Variants in CKMT2 observed in about 807,000 individuals in gnomAD.
CKMT2 encodes the protein creatine kinase S-type, mitochondrial.
Under a neutral mutation model 48.9 loss-of-function variants are expected in CKMT2, and 43 were observed. The observed-to-expected ratio is 0.88, with a 90% CI of 0.69 to 1.13. The LOEUF (loss-of-function observed/expected upper bound fraction) is 1.13. CKMT2 is among the 50% of genes most tolerant of loss of function. CKMT2 has a pLI of 0.00. For missense variants in CKMT2, 472 were observed against 555.4 expected, an observed-to-expected ratio of 0.85 and a Z score of 1.51; for synonymous variants, 206 against 213.0, an observed-to-expected ratio of 0.97 and a Z score of 0.29.
Position 81,266,212 on chromosome 5 carries a change from A to G in CKMT2, c.1214A>G (p.Gln405Arg), listed in dbSNP as rs770864198. The G allele has an allele frequency of 1.2e-6, 2 of 1,613,498 alleles. No individual in the cohort carries two copies. The highest frequency in any genetic ancestry group is 1.7e-6 in the Non-Finnish European group (2 of 1,179,460). ...VDCEKKLERGQDIKVPPPLPQ... is the reference protein window; with the variant it reads ...VDCEKKLERGRDIKVPPPLPQ... ...TGTGAAAAGAAGTTGGAGAGAGGCC[A>G]AGATATTAAGGTGCCACCCCCTCTG... The change falls in exon 10 of 10, where the codon CAA (glutamine) becomes CGA (arginine). Residue 405 changes from glutamine (Q) to arginine (R), a missense_variant. By Grantham distance (43) the Gln-to-Arg change is conservative. Coordinates refer to ENST00000254035, the MANE Select transcript of CKMT2 (RefSeq NM_001099735.2).
chr5:81,249,871 T>C (rs576821961), intron 1 of CKMT2, among the ~76,000 whole-genome samples: 1 of 152,372 alleles, frequency 6.6e-6, no homozygotes, highest in South Asian at 2.1e-4. Context: ...GTCATTTCTT[T>C]GTAGGTAAAC....
At chr5:81,263,465 A>T in intron 8 of CKMT2, 26 bp from the exon 9 acceptor site, 2 of 1,547,500 alleles carry the variant, frequency 1.3e-6, no homozygotes, top group Non-Finnish European at 1.8e-6. Flanking sequence ...CTCTTAGCAC[A>T]TTTAAGTATT....
intron 8 of CKMT2, among the ~76,000 whole-genome samples, chr5:81,259,962 C>T (rs756815588): frequency 2.6e-5 from 4 of 152,138 alleles, no homozygotes; most frequent in Non-Finnish European, 5.9e-5. Context: ...AAATCGACCC[C>T]ACAATTGGAA....
At chr5:81,241,181 G>A (rs1029971225) in intron 1 of CKMT2, among the ~76,000 whole-genome samples, 1 of 152,132 alleles carries the variant, frequency 6.6e-6, no homozygotes, top group African/African-American at 2.4e-5. Context: ...TTGTCCACCC[G>A]ACTGGAGCCT....
intron 1 of CKMT2, chr5:81,238,907 GC>G (rs1756341216): frequency 6.6e-6 from 1 of 152,198 alleles, no homozygotes; most frequent in Admixed American, 6.5e-5. Context: ...CCCCCACCTG[GC>G]TGTACCCTGA....
At chr5:81,238,775 T>C (rs1310224581) in intron 1 of CKMT2, 3 of 152,322 alleles carry the variant, frequency 2.0e-5, no homozygotes, top group Admixed American at 6.5e-5. Context: ...GCCCCGAAGA[T>C]TTTTTACCTC....
At chr5:81,233,465 C>A (rs1756166173) in intron 1 of CKMT2, 88 bp downstream of exon 1, 1 of 916,584 alleles carries the variant, frequency 1.1e-6, no homozygotes, top group Non-Finnish European at 1.3e-6. Context: ...GAGTGGATGC[C>A]GGGCTGTAGA....
chr5:81,247,247 A>C (rs1756643517), intron 1 of CKMT2, among the ~76,000 whole-genome samples: 1 of 152,192 alleles, frequency 6.6e-6, no homozygotes, highest in African/African-American at 2.4e-5. Context: ...TGAGCCTGAG[A>C]TTTCTTTTTG....
At chr5:81,239,171 G>A (rs1018200117) in intron 1 of CKMT2, 4 of 152,284 alleles carry the variant, frequency 2.6e-5, no homozygotes, top group African/African-American at 9.6e-5. Flanking sequence ...TGTCAGGGCT[G>A]TCTTGAACCG....
At chr5:81,253,787 A>AT (rs3839313) in intron 3 of CKMT2, among the ~76,000 whole-genome samples, 114 of 151,794 alleles carry the variant, frequency 7.5e-4, no homozygotes, top group African/African-American at 2.3e-3. Context: ...TCTTTTAACA[A>AT]TTTTTTTTTA....
chr5:81,259,593 G>A (rs937728294), intron 8 of CKMT2, among the ~76,000 whole-genome samples: 20 of 152,132 alleles, frequency 1.3e-4, no homozygotes, highest in Non-Finnish European at 4.4e-5. Context: ...GAGCATGCAA[G>A]AGATCACCTG....
intron 1 of CKMT2, chr5:81,244,184 C>G (rs1756532581): frequency 1.0e-6 from 1 of 985,294 alleles, no homozygotes; most frequent in South Asian, 4.7e-5. Context: ...TTTTCACTAA[C>G]AGAAGTCACA....
intron 1 of CKMT2, chr5:81,235,646 A>G (rs1239937341): frequency 6.6e-6 from 1 of 152,290 alleles, no homozygotes; most frequent in Non-Finnish European, 1.5e-5. Flanking sequence ...TTCACATTCT[A>G]GGATGTCACA....
intron 7 of CKMT2, 116 bp downstream of exon 7, chr5:81,257,972 TC>T: frequency 1.0e-6 from 1 of 988,458 alleles, no homozygotes; most frequent in Non-Finnish European, 1.4e-6. Context: ...TTTCTAGAAA[TC>T]AAAGCAACTG....
intron 1 of CKMT2, among the ~76,000 whole-genome samples, chr5:81,248,532 C>G (rs1051833902): frequency 1.3e-5 from 2 of 152,200 alleles, no homozygotes; most frequent in African/African-American, 4.8e-5. Flanking sequence ...GTTATCTATT[C>G]TTGGAGGGAT....
At chr5:81,256,228 T>C (rs1757004669) in intron 5 of CKMT2, among the ~76,000 whole-genome samples, 1 of 152,106 alleles carries the variant, frequency 6.6e-6, no homozygotes, top group Non-Finnish European at 1.5e-5. Flanking sequence ...ATTGCAGTGG[T>C]TAAAGGCATA....
Position 81,255,178 on chromosome 5 carries a change from C to T in CKMT2, c.633C>T (p.Ser211=), listed in dbSNP as rs140162798. The T allele has an allele frequency of 7.0e-5, 113 of 1,614,046 alleles. No homozygotes were observed. The highest frequency in any genetic ancestry group is 3.3e-4 in the Middle Eastern group (2 of 6,060). ...GDLAGRYYKL[S]EMTEQDQQRL... is the part of the protein sequence containing the mutation. The stretch of plus-strand genomic sequence containing the variant: ...TGGCTGGCCGCTACTACAAGCTGTC[C>T]GAGATGACGGAGCAGGACCAGCAGC... Residue 211 remains serine, a synonymous_variant, in exon 5 of 10, where the codon TCC becomes TCT. Coordinates refer to ENST00000254035, the MANE Select transcript of CKMT2 (RefSeq NM_001099735.2).
intron 8 of CKMT2, among the ~76,000 whole-genome samples, chr5:81,262,103 T>C (rs1290393766): frequency 6.6e-6 from 1 of 152,192 alleles, no homozygotes. Context: ...GGATTCCCTG[T>C]TTAATAAATG....
chr5:81,255,053 A>T lies in CKMT2; in HGVS notation c.508A>T (p.Ser170Cys). Residue 170 changes from serine (S) to cysteine (C), a missense_variant, in exon 5 of 10, where the codon AGC becomes TGC. Coordinates refer to ENST00000254035, the MANE Select transcript of CKMT2 (RefSeq NM_001099735.2). ...GTCTTCTCGGGTGCGCACTGGCCGC[A>T]GCATCCGTGGGCTGAGCCTGCCTCC... ...VLSSRVRTGR[S>C]IRGLSLPPAC... 1.2e-6 allele frequency: 2 copies of T among 1,613,932 alleles called. No homozygotes were observed. Among genetic ancestry groups the T allele is most frequent in the Middle Eastern group, 3.3e-4 (2 of 6,056 alleles).
Sources: gnomAD v4.1 joint callset for allele counts (sites outside exome capture counted in the v4.1 genomes callset) on GRCh38, gnomAD v4.1.1 for gene constraint, MANE v1.5 for transcripts, NCBI Gene and HGNC (gene_info 2026-07-23, HGNC 2026-07-21) for gene names.